Variants in PKHD1 observed in about 807,000 individuals in gnomAD.
PKHD1 encodes the protein PKHD1 ciliary IPT domain containing fibrocystin/polyductin, also known as fibrocystin.
PKHD1 carries 291 observed loss-of-function variants against 412.0 expected under a neutral mutation model. The observed-to-expected ratio is 0.71, with a 90% CI of 0.64 to 0.78. PKHD1 has a LOEUF of 0.78. Ranked by LOEUF, PKHD1 falls within the 30% of genes least tolerant of loss-of-function variation. The pLI, the probability that PKHD1 is intolerant of heterozygous loss-of-function variation, is 0.00. For synonymous variants in PKHD1, 1,777 were observed against 1,821.5 expected, an observed-to-expected ratio of 0.98 and a Z score of 0.62; for missense variants, 4,825 against 4,950.7, an observed-to-expected ratio of 0.97 and a Z score of 0.76.
chr6:51,767,022 A>G (rs575347992), intron 55 of PKHD1, among the ~76,000 whole-genome samples: 42 of 152,160 alleles, frequency 2.8e-4, no homozygotes, highest in African/African-American at 9.9e-4. Context: ...TCCACCTATA[A>G]TTTAGAGTAA....
chr6:51,808,323 C>G (rs1194772268), intron 52 of PKHD1, among the ~76,000 whole-genome samples: 1 of 151,884 alleles, frequency 6.6e-6, no homozygotes, highest in East Asian at 1.9e-4. Flanking sequence ...ACACTGCCAT[C>G]TTCAGGAAAT....
At chr6:51,636,243 A>G (rs1374251086) in intron 64 of PKHD1, among the ~76,000 whole-genome samples, 1 of 152,152 alleles carries the variant, frequency 6.6e-6, no homozygotes, top group East Asian at 1.9e-4. Flanking sequence ...AGTGGAAATG[A>G]TTGCAAATTC....
intron 40 of PKHD1, among the ~76,000 whole-genome samples, chr6:51,908,659 G>C (rs759808554): frequency 2.0e-4 from 31 of 152,048 alleles, no homozygotes; most frequent in Non-Finnish European, 4.0e-4. Context: ...TTCTGATCTT[G>C]TTTTTCACCT....
In PKHD1 at chr6:51,648,024, T is replaced by A; in HGVS notation, c.11398+7A>T. 1 of 1,507,848 alleles carries A rather than the reference T, an allele frequency of 6.6e-7. No individual in the cohort carries two copies. The highest frequency in any genetic ancestry group is 9.2e-7 in the Non-Finnish European group (1 of 1,082,826). 93.4% of individuals were successfully genotyped at this position (1,507,848 alleles called of 1,614,324 possible). A position where few individuals can be genotyped will look rare whatever the true frequency, so the allele number is the denominator to read the frequency against. On this transcript the variant is annotated splice_region_variant and intron_variant, in intron 63 of 66. Transcript: ENST00000371117. ...AGATATCTGAAATTTACAGATACTT[T>A]ACCTACCTTTTAGCACTGAGTCTGA...
chr6:51,867,316 G>C (rs1175474425), intron 48 of PKHD1, among the ~76,000 whole-genome samples: 1 of 152,122 alleles, frequency 6.6e-6, no homozygotes, highest in African/African-American at 2.4e-5. Flanking sequence ...ATGGTAGTTT[G>C]AGTAGCATAA....
chr6:51,871,374 C>T (rs1775974738), intron 46 of PKHD1, among the ~76,000 whole-genome samples: 1 of 121,086 alleles, frequency 8.3e-6, no homozygotes, highest in African/African-American at 2.7e-5. Flanking sequence ...ATATGTGCAA[C>T]AAGTTAGATG....
At chr6:51,667,187 G>C (rs812026) in intron 60 of PKHD1, among the ~76,000 whole-genome samples, 121,984 of 128,704 alleles carry the variant, frequency 0.95, 57,916 homozygotes, top group East Asian at 1. Flanking sequence ...CCTATTTCTC[G>C]ACATCCTCTC....
chr6:51,820,965 T>C (rs1385719402), intron 52 of PKHD1, among the ~76,000 whole-genome samples: 2 of 152,094 alleles, frequency 1.3e-5, no homozygotes, highest in East Asian at 3.9e-4. Flanking sequence ...AGAAAAAAAG[T>C]AATTCAATGA....
chr6:51,754,869 C>G lies in PKHD1; in HGVS notation c.8712G>C (p.Glu2904Asp). The G allele has an allele frequency of 6.2e-7, 1 of 1,612,558 alleles. No homozygotes were observed. Among genetic ancestry groups the G allele is most frequent in the Non-Finnish European group, 8.5e-7 (1 of 1,178,680 alleles). Reference sequence around the variant, plus strand: ...CAGTGAGGACCTCTGCTTCATGAGGCTCATAAGAAGAGGAGCTAAGGACTA... The same window carrying G: ...CAGTGAGGACCTCTGCTTCATGAGGGTCATAAGAAGAGGAGCTAAGGACTA... ...DKIVLSSSSY[E>D]PHEAEVLTVK... The change falls in exon 56 of 67, where the codon GAG (glutamate) becomes GAC (aspartate). Residue 2904 changes from glutamate to aspartate, a missense_variant. By Grantham distance (45) the Glu-to-Asp change is conservative. Transcript: ENST00000371117.
In PKHD1 at chr6:51,746,907, T is replaced by C; in HGVS notation, c.9830-18A>G. ...GGTAACATCTGAAATTTTAAAAATA[T>C]GTATCATAATATTATATCATATAAA... On this transcript the variant is annotated intron_variant, in intron 58 of 66. Coordinates refer to ENST00000371117, the MANE Select transcript of PKHD1 (RefSeq NM_138694.4). 8.5e-6 allele frequency: 12 copies of C among 1,420,036 alleles called. No individual in the cohort carries two copies. Among genetic ancestry groups the C allele is most frequent in the Non-Finnish European group, 1.1e-5 (11 of 1,017,200 alleles). 88.0% of individuals were successfully genotyped at this position (1,420,036 alleles called of 1,614,324 possible).
chr6:51,825,797 A>G (rs1328566038), intron 52 of PKHD1, among the ~76,000 whole-genome samples: 1 of 152,212 alleles, frequency 6.6e-6, no homozygotes, highest in African/African-American at 2.4e-5. Flanking sequence ...GATGCCACAC[A>G]TTACAAAAAG....
intron 59 of PKHD1, among the ~76,000 whole-genome samples, chr6:51,745,915 T>C (rs1286995600): frequency 2.0e-5 from 3 of 152,180 alleles, no homozygotes; most frequent in Non-Finnish European, 2.9e-5. Flanking sequence ...CTAATCATGA[T>C]TCAGGGATAG....
Position 51,904,112 on chromosome 6 carries a change from C to G in PKHD1, c.6809-70G>C. 3.0e-6 allele frequency: 3 copies of G among 997,580 alleles called. No homozygotes were observed. The South Asian group carries it at 3.8e-5, about 13-fold the overall frequency. The allele number at this position is 997,580 out of a possible 1,614,324, so 61.8% of individuals were successfully genotyped here. A position where few individuals can be genotyped will look rare whatever the true frequency, so the allele number is the denominator to read the frequency against. ...TAGGAAAACAAGAGATGCTGCAACA[C>G]TACTTCTTTGGGTGTGGGTTGTTTT... On this transcript the variant is annotated intron_variant, in intron 41 of 66. Transcript: ENST00000371117.
At chr6:51,944,492 T>C (rs1235665931) in intron 36 of PKHD1, among the ~76,000 whole-genome samples, 1 of 152,136 alleles carries the variant, frequency 6.6e-6, no homozygotes, top group African/African-American at 2.4e-5. Context: ...ACCAGCTGAC[T>C]TCACTCAGAT....
At chr6:52,029,270 C>T (rs1802688273) in intron 29 of PKHD1, among the ~76,000 whole-genome samples, 1 of 152,106 alleles carries the variant, frequency 6.6e-6, no homozygotes, top group Non-Finnish European at 1.5e-5. Flanking sequence ...TTTTGTCTTG[C>T]ATTTCAGTGT....
At chr6:51,953,277 G>C (rs1167730995) in intron 36 of PKHD1, among the ~76,000 whole-genome samples, 1 of 151,988 alleles carries the variant, frequency 6.6e-6, no homozygotes, top group Non-Finnish European at 1.5e-5. Context: ...TGTTGACCAA[G>C]ATATTCTACA....
In PKHD1 at chr6:51,923,204, T is replaced by G. The variant is rs889121114; in HGVS notation, c.6122-10628A>C. 3.9e-5 allele frequency among the ~76,000 whole-genome samples: 6 copies of G among 152,070 alleles called. No homozygotes were observed. In the South Asian group the frequency reaches 8.3e-4, roughly 21 times the overall value. On this transcript the variant is annotated intron_variant, in intron 37 of 66. Coordinates refer to ENST00000371117, the MANE Select transcript of PKHD1 (RefSeq NM_138694.4). Reference sequence around the variant, plus strand: ...GTGCTGTGAAAATTGGCTATTCATTTGAAAAAAAATAGATAACTGACAAAC... The same window carrying G: ...GTGCTGTGAAAATTGGCTATTCATTGGAAAAAAAATAGATAACTGACAAAC...
chr6:52,024,136 T>G (rs1418225722), intron 32 of PKHD1, among the ~76,000 whole-genome samples: 2 of 152,204 alleles, frequency 1.3e-5, no homozygotes, highest in African/African-American at 4.8e-5. Flanking sequence ...TGGCTTATTA[T>G]TGTTGAAATA....
intron 44 of PKHD1, among the ~76,000 whole-genome samples, chr6:51,886,855 T>G (rs1402874047): frequency 3.3e-5 from 5 of 152,174 alleles, no homozygotes; most frequent in African/African-American, 1.2e-4. Context: ...AAAGAGGCTC[T>G]GGAGGAAAAC....
Sources: allele counts gnomAD v4.1 joint callset (sites outside exome capture counted in the v4.1 genomes callset), GRCh38; gene constraint gnomAD v4.1.1; transcripts MANE v1.5; gene names NCBI Gene and HGNC (gene_info 2026-07-23, HGNC 2026-07-21).